Variants in EFTUD2 observed in about 807,000 individuals in gnomAD.
EFTUD2 encodes the protein elongation factor Tu GTP binding domain containing 2.
EFTUD2 carries 9 observed loss-of-function variants against 114.3 expected under a neutral mutation model. The ratio of observed to expected loss-of-function variants is 0.08; its 90% CI spans 0.05 to 0.14. The LOEUF is 0.14. Among genes scored for constraint, EFTUD2 ranks in the 10% least tolerant of loss-of-function variants. The probability of loss-of-function intolerance (pLI) is 1.00; values close to 1 mark genes in which losing one functional copy is unlikely to be tolerated. For missense variants in EFTUD2, 765 were observed against 1,241.2 expected (o/e 0.62, Z 5.76); for synonymous variants, 449 against 462.3 (o/e 0.97, Z 0.37).
intron 27 of EFTUD2, 147 bp downstream of exon 27, chr17:44,851,563 G>T (rs2050449042): frequency 1.0e-5 from 10 of 958,684 alleles, no homozygotes; most frequent in African/African-American, 1.7e-5. Flanking sequence ...CTGGGGCCCA[G>T]GTTTGGTTGC....
chr17:44,851,927 A>G (rs889988104), intron 26 of EFTUD2, 110 bp from the exon 27 acceptor site: 10 of 1,006,334 alleles, frequency 9.9e-6, no homozygotes, highest in Non-Finnish European at 1.3e-5. Context: ...ACTTATTATT[A>G]TTTTTTTGAG....
intron 12 of EFTUD2, 121 bp downstream of exon 12, chr17:44,868,166 T>A: frequency 1.0e-6 from 1 of 977,856 alleles, no homozygotes; most frequent in Non-Finnish European, 1.5e-6. Context: ...AAGACGGTAG[T>A]TTACATTAAA....
At chr17:44,892,063 T>C (rs2051290077) in intron 2 of EFTUD2, 1 of 152,200 alleles carries the variant, frequency 6.6e-6, no homozygotes, top group Non-Finnish European at 1.5e-5. Context: ...CCTGGCCTAT[T>C]ACTGGGTTTT....
intron 1 of EFTUD2, among the ~76,000 whole-genome samples, chr17:44,895,219 G>A (rs933327119): frequency 1.3e-5 from 2 of 152,244 alleles, no homozygotes; most frequent in Non-Finnish European, 2.9e-5. Context: ...TGGGAGGCCG[G>A]GCGCGGTGGC....
At position 44,863,995 on chromosome 17, in the gene EFTUD2, G is replaced by A. The variant is rs58012230; in HGVS notation, c.1286-213C>T. 1,790 of 512,452 alleles carry A rather than the reference G, an allele frequency of 3.5e-3. 20 individuals carry two copies. Among genetic ancestry groups the A allele is most frequent in the African/African-American group, 0.03 (1,523 of 51,130 alleles). 31.7% of individuals were successfully genotyped at this position (512,452 alleles called of 1,614,324 possible). A position where few individuals can be genotyped will look rare whatever the true frequency, so the allele number is the denominator to read the frequency against. ...CCCTGATGCCAGAAAAGAGCAAGCAGCAGGTATCAGTGGTACATGGTTCCT... is the reference window on the plus strand; with the variant it reads ...CCCTGATGCCAGAAAAGAGCAAGCAACAGGTATCAGTGGTACATGGTTCCT... On this transcript the variant is annotated intron_variant, in intron 14 of 27. Coordinates refer to ENST00000426333, the MANE Select transcript of EFTUD2 (RefSeq NM_004247.4).
At chr17:44,883,247 A>G in intron 5 of EFTUD2, 89 bp from the exon 6 acceptor site, 1 of 1,211,336 alleles carries the variant, frequency 8.3e-7, no homozygotes, top group Non-Finnish European at 1.2e-6. Flanking sequence ...CACATAATTT[A>G]GGGATAAGGA....
intron 13 of EFTUD2, 119 bp from the exon 14 acceptor site, chr17:44,865,184 G>A: frequency 7.1e-7 from 1 of 1,398,708 alleles, no homozygotes; most frequent in Non-Finnish European, 9.6e-7. Context: ...CTCTTCTATG[G>A]AGACAAAGCT....
chr17:44,850,254 AC>A lies in EFTUD2; in HGVS notation c.*1019del. On this transcript the variant is annotated 3_prime_UTR_variant, in exon 28 of 28. Transcript: ENST00000426333. Reference sequence around the variant, plus strand: ...CTCTCAAGGGAGCAGCTAGAGGTGAACCCCTAGGACGCCTGAGAGCCAGAGG... The same window carrying A: ...CTCTCAAGGGAGCAGCTAGAGGTGAACCCTAGGACGCCTGAGAGCCAGAGG... The A allele has an allele frequency of 1.8e-6, 2 of 1,133,026 alleles. No homozygotes were observed. The highest frequency in any genetic ancestry group is 4.8e-5 in the East Asian group (2 of 41,788). 70.2% of individuals were successfully genotyped at this position (1,133,026 alleles called of 1,614,324 possible). A position where few individuals can be genotyped will look rare whatever the true frequency, so the allele number is the denominator to read the frequency against.
In EFTUD2 at chr17:44,859,934, T is replaced by C; in HGVS notation, c.1831A>G (p.Asn611Asp). The change falls in exon 18 of 28, where the codon AAC (asparagine) becomes GAC (aspartate). Residue 611 changes from asparagine (N) to aspartate (D), a missense_variant. Asn to Asp is a conservative substitution (Grantham distance 23). This residue lies in a region of EFTUD2 where 149 missense variants were observed against 245.1 expected (regional missense o/e 0.61). Transcript: ENST00000426333. ...PKMLDGLRKV[N>D]KSYPSLTTKV... is the part of the protein sequence containing the mutation. ...GTGGTGAGGGATGGATAGCTCTTGT[T>C]GACCTTGCGCAGGCCATCAAGCATC... The C allele has an allele frequency of 6.2e-7, 1 of 1,614,180 alleles. No individual in the cohort carries two copies. The highest frequency in any genetic ancestry group is 8.5e-7 in the Non-Finnish European group (1 of 1,180,040).
chr17:44,873,813 G>A (rs2050897480), intron 10 of EFTUD2, among the ~76,000 whole-genome samples: 1 of 149,120 alleles, frequency 6.7e-6, no homozygotes, highest in Non-Finnish European at 1.5e-5. Flanking sequence ...CTCACTGCAA[G>A]CTCCGTCTCC....
chr17:44,868,507 G>A (rs766056861), intron 11 of EFTUD2, 157 bp from the exon 12 acceptor site: 1 of 627,732 alleles, frequency 1.6e-6, no homozygotes, highest in East Asian at 2.9e-5. Context: ...CGAGGACACT[G>A]AGGCACAAAG....
intron 17 of EFTUD2, 95 bp from the exon 18 acceptor site, chr17:44,860,140 A>G (rs1567733659): frequency 1.3e-6 from 2 of 1,562,226 alleles, no homozygotes; most frequent in South Asian, 2.3e-5. Context: ...GCTTAGGATC[A>G]GACTATGTAT....
intron 16 of EFTUD2, among the ~76,000 whole-genome samples, chr17:44,860,973 G>A (rs990121562): frequency 2.6e-5 from 4 of 152,112 alleles, no homozygotes; most frequent in South Asian, 4.1e-4. Context: ...ATTCTAGCAG[G>A]GGAGAGATAC....
In EFTUD2 at chr17:44,897,155, G is replaced by T. The variant is rs1191649474; in HGVS notation, c.-5+2214C>A. Among the ~76,000 whole-genome samples the T allele has an allele frequency of 2.0e-5, 3 of 147,092 alleles. No homozygotes were observed. The East Asian group carries it at 6.1e-4, about 30-fold the overall frequency. On this transcript the variant is annotated intron_variant, in intron 1 of 27. Coordinates refer to ENST00000426333, the MANE Select transcript of EFTUD2 (RefSeq NM_004247.4). Reference sequence around the variant, plus strand: ...GGTGTGAACCCAGGAGGCGGAGCTTGCAGTGAGCGGAGACAGCGCCACTGC... The same window carrying T: ...GGTGTGAACCCAGGAGGCGGAGCTTTCAGTGAGCGGAGACAGCGCCACTGC...
rs768097463 is a variant in EFTUD2, at chr17:44,879,512, A to C, written c.702+44T>G. 4 of 1,603,778 alleles carry C rather than the reference A, an allele frequency of 2.5e-6. No individual in the cohort carries two copies. The South Asian group carries it at 4.4e-5, about 18-fold the overall frequency. On this transcript the variant is annotated intron_variant, in intron 9 of 27. Coordinates refer to ENST00000426333, the MANE Select transcript of EFTUD2 (RefSeq NM_004247.4). ...TGGGTATTGTTGCGGGGTGGGGGCAAACATAACAGGTGGATGAGATTCTGG... is the reference window on the plus strand; with the variant it reads ...TGGGTATTGTTGCGGGGTGGGGGCACACATAACAGGTGGATGAGATTCTGG...
In EFTUD2 at chr17:44,854,279, G is replaced by C; in HGVS notation, c.2337C>G (p.Leu779=). Reference sequence around the variant, plus strand: ...TGCTGGTGGACTTACATTCATCACAGAGGGGGCCCTCCCTGGTTCCCCACT... The same window carrying C: ...TGCTGGTGGACTTACATTCATCACACAGGGGGCCCTCCCTGGTTCCCCACT... ...GFQWGTREGP[L]CDELIRNVKF... Residue 779 remains leucine (L), a synonymous_variant, in exon 23 of 28, where the codon CTC becomes CTG. Coordinates refer to ENST00000426333, the MANE Select transcript of EFTUD2 (RefSeq NM_004247.4). This position sits in a 1 kb window ranked among gnomAD's most constrained non-coding sequence, Gnocchi z 4.3. 5 of 1,613,438 alleles carry C rather than the reference G, an allele frequency of 3.1e-6. No individual in the cohort carries two copies. The South Asian group carries it at 5.5e-5, about 18-fold the overall frequency.
At chr17:44,871,374 C>T (rs1274580906) in intron 11 of EFTUD2, among the ~76,000 whole-genome samples, 1 of 147,486 alleles carries the variant, frequency 6.8e-6, no homozygotes, top group Non-Finnish European at 1.5e-5. Flanking sequence ...GAGTCTTGCT[C>T]TGTCGCCCAG....
At position 44,863,727 on chromosome 17, in the gene EFTUD2, G is replaced by A; in HGVS notation, c.1341C>T (p.Pro447=). The A allele has an allele frequency of 6.2e-7, 1 of 1,614,192 alleles. No homozygotes were observed. Among genetic ancestry groups the A allele is most frequent in the Non-Finnish European group, 8.5e-7 (1 of 1,180,016 alleles). ...CACCGGTGTAGGTGTGCTCAATCTT[G>A]GGCTTGGCGCCCACCTTTGGAGAAG... The part of the protein sequence containing the change: ...HIPSPKVGAK[P]KIEHTYTGGV... Residue 447 remains proline (P), a synonymous_variant, in exon 15 of 28, where the codon CCC becomes CCT. Coordinates refer to ENST00000426333, the MANE Select transcript of EFTUD2 (RefSeq NM_004247.4).
At position 44,872,576 on chromosome 17, in the gene EFTUD2, AC is replaced by A; in HGVS notation, c.870-7del. 6.2e-7 allele frequency: 1 copy of A among 1,605,200 alleles called. No homozygotes were observed. Among genetic ancestry groups the A allele is most frequent in the East Asian group, 2.2e-5 (1 of 44,586 alleles). ...TCTCATCAGTGGAATACATGCTGAA[AC>A]AGAGACAGTGGTGAACACAGTGCCA... On this transcript the variant is annotated splice_polypyrimidine_tract_variant and splice_region_variant and intron_variant, in intron 10 of 27. Transcript: ENST00000426333.
Sources: gnomAD v4.1 joint callset for allele counts (sites outside exome capture counted in the v4.1 genomes callset) on GRCh38, gnomAD v4.1.1 for gene constraint, gnomAD v4.1.1 regional missense constraint, Gnocchi (gnomAD v3.1) non-coding constraint, MANE v1.5 for transcripts, NCBI Gene and HGNC (gene_info 2026-07-23, HGNC 2026-07-21) for gene names.